The following PTPRR variants were observed in gnomAD, a reference collection of about 807,000 sequenced individuals.
PTPRR encodes receptor-type tyrosine-protein phosphatase R.
Under a neutral mutation model 77.2 loss-of-function variants are expected in PTPRR, and 38 were observed. The observed-to-expected ratio is 0.49, with a 90% CI of 0.38 to 0.65. The LOEUF is 0.65. Ranked by LOEUF, PTPRR falls within the 30% of genes least tolerant of loss-of-function variation. The pLI is 0.00. For synonymous variants in PTPRR, 299 were observed against 283.1 expected (o/e 1.06, Z -0.57); for missense variants, 744 against 799.2 (o/e 0.93, Z 0.83).
At chr12:70,672,146 C>T in intron 10 of PTPRR, 2 of 1,456,664 alleles carry the variant, frequency 1.4e-6, no homozygotes, top group Non-Finnish European at 1.9e-6. Flanking sequence ...AGAGGCCATC[C>T]TCTCAGTGGC....
chr12:70,743,210 T>C (rs1310535282), intron 6 of PTPRR, among the ~76,000 whole-genome samples: 1 of 151,874 alleles, frequency 6.6e-6, no homozygotes, highest in Admixed American at 6.6e-5. Flanking sequence ...AAATGATATA[T>C]ATGAGGCCAA....
chr12:70,759,998 T>C (rs1592738636), intron 4 of PTPRR, among the ~76,000 whole-genome samples: 1 of 152,094 alleles, frequency 6.6e-6, no homozygotes, highest in African/African-American at 2.4e-5. Flanking sequence ...ATTGGGTATG[T>C]TTGGAAACAG....
chr12:70,883,719 C>A (rs1451465527), intron 2 of PTPRR, among the ~76,000 whole-genome samples: 1 of 151,960 alleles, frequency 6.6e-6, no homozygotes, highest in African/African-American at 2.4e-5. Flanking sequence ...ATGTCACAGC[C>A]AGATCTGGGG....
At chr12:70,736,707 A>G (rs1382120005) in intron 6 of PTPRR, among the ~76,000 whole-genome samples, 2 of 152,154 alleles carry the variant, frequency 1.3e-5, no homozygotes, top group Admixed American at 6.5e-5. Context: ...TTAAACTGGA[A>G]TTTACTTCTA....
At chr12:70,877,981 G>A (rs4420367) in intron 2 of PTPRR, among the ~76,000 whole-genome samples, 1 of 151,660 alleles carries the variant, frequency 6.6e-6, no homozygotes, top group Non-Finnish European at 1.5e-5. Flanking sequence ...ACAAACCTGA[G>A]AAAAACAAGC....
chr12:70,912,162 CCTAA>C (rs1270016969), intron 1 of PTPRR, among the ~76,000 whole-genome samples: 3 of 152,176 alleles, frequency 2.0e-5, no homozygotes, highest in Non-Finnish European at 2.9e-5. Context: ...GGTCTTTCAA[CCTAA>C]CTAACTCACT....
intron 13 of PTPRR, chr12:70,639,490 C>T: frequency 7.6e-7 from 1 of 1,323,298 alleles, no homozygotes; most frequent in Non-Finnish European, 9.7e-7. Flanking sequence ...CAGTTCCCAG[C>T]ACACACTAGG....
rs956234142 is a variant in PTPRR, at chr12:70,920,552, A to G, written c.-162T>C. On this transcript the variant is annotated 5_prime_UTR_variant, in exon 1 of 14. Transcript: ENST00000283228. ...GTCTGTGGCGCCGACAGAAACCAGC[A>G]CCAGCTTCAACCTCCCTAAGAGAGG... is the stretch of plus-strand genomic sequence containing the variant. 6.3e-6 allele frequency: 4 copies of G among 630,668 alleles called. No individual in the cohort carries two copies. The highest frequency in any genetic ancestry group is 8.5e-6 in the Non-Finnish European group (3 of 352,320). The allele number at this position is 630,668 out of a possible 1,614,324, so 39.1% of individuals were successfully genotyped here.
At chr12:70,688,140 T>C (rs1887934978) in intron 8 of PTPRR, among the ~76,000 whole-genome samples, 1 of 152,180 alleles carries the variant, frequency 6.6e-6, no homozygotes, top group African/African-American at 2.4e-5. Context: ...TTTAAGAGTG[T>C]CTTCCAGGGC....
At chr12:70,802,665 G>T (rs186088120) in intron 2 of PTPRR, among the ~76,000 whole-genome samples, 3 of 151,990 alleles carry the variant, frequency 2.0e-5, no homozygotes, top group African/African-American at 4.8e-5. Flanking sequence ...TCCCATCTGG[G>T]GTCATGAAGC....
intron 6 of PTPRR, among the ~76,000 whole-genome samples, chr12:70,703,430 TTTC>T (rs1257646613): frequency 6.6e-6 from 1 of 152,134 alleles, no homozygotes; most frequent in Admixed American, 6.6e-5. Context: ...CACTCCACTT[TTTC>T]TTATTTGGTT....
chr12:70,886,329 T>C (rs1893239194), intron 2 of PTPRR, among the ~76,000 whole-genome samples: 1 of 152,226 alleles, frequency 6.6e-6, no homozygotes, highest in Admixed American at 6.5e-5. Context: ...AAGAAGGTGA[T>C]TATATAAGAA....
At chr12:70,884,871 C>CA (rs529547383) in intron 2 of PTPRR, among the ~76,000 whole-genome samples, 8,325 of 53,808 alleles carry the variant, frequency 0.15, 973 homozygotes, top group Middle Eastern at 0.22. Flanking sequence ...AACTCTGTCT[C>CA]AAAAAAAAAA....
chr12:70,747,147 TG>T (rs1030423935), intron 5 of PTPRR, among the ~76,000 whole-genome samples: 17 of 152,200 alleles, frequency 1.1e-4, no homozygotes, highest in Non-Finnish European at 8.8e-5. Flanking sequence ...CTTTATCATG[TG>T]CATAGTGTCT....
intron 6 of PTPRR, among the ~76,000 whole-genome samples, chr12:70,729,835 GA>G (rs949216382): frequency 4.1e-3 from 596 of 146,424 alleles, no homozygotes; most frequent in Non-Finnish European, 6.6e-3. Context: ...AATGATTTAA[GA>G]AAAAAAAAAC....
chr12:70,653,449 G>A (rs568193615), intron 13 of PTPRR, among the ~76,000 whole-genome samples: 1 of 152,288 alleles, frequency 6.6e-6, no homozygotes, highest in South Asian at 2.1e-4. Context: ...TACATGTGGG[G>A]TGTGGTAAGA....
rs1009731912 is a variant in PTPRR, at chr12:70,865,820, G to T, written c.357+26859C>A. On this transcript the variant is annotated intron_variant, in intron 2 of 13. Transcript: ENST00000283228. ...AGTAGAACATACCAGATATAATATG[G>T]CAAGATCTAAGGTGATTGAGAGAGC... Among the ~76,000 whole-genome samples the T allele has an allele frequency of 2.6e-5, 4 of 152,176 alleles. No homozygotes were observed. The South Asian group carries it at 8.3e-4, about 32-fold the overall frequency.
rs575602200 is a variant in PTPRR, at chr12:70,783,863, CGGGGGGG to C, written c.358-19092_358-19086del. On this transcript the variant is annotated intron_variant, in intron 2 of 13. Coordinates refer to ENST00000283228, the MANE Select transcript of PTPRR (RefSeq NM_002849.4). ...AGGGTCTAAGGCTGTGTGGGGGGGA[CGGGGGGG>C]GGGGGCGGGGGGCGGGGGTTGGCAC... Among the ~76,000 whole-genome samples the C allele has an allele frequency of 1.4e-4, 8 of 56,640 alleles. 1 individual carries two copies. The highest frequency in any genetic ancestry group is 6.8e-4 in the African/African-American group (6 of 8,776). 37.2% of individuals were successfully genotyped at this position (56,640 alleles called of 152,430 possible). A position where few individuals can be genotyped will look rare whatever the true frequency, so the allele number is the denominator to read the frequency against.
At chr12:70,854,407 T>C (rs1387145857) in intron 2 of PTPRR, among the ~76,000 whole-genome samples, 2 of 152,228 alleles carry the variant, frequency 1.3e-5, no homozygotes, top group South Asian at 2.1e-4. Context: ...CTCTATGCCA[T>C]GTGCCCTTTT....
Sources: gnomAD v4.1 joint callset for allele counts (sites outside exome capture counted in the v4.1 genomes callset) on GRCh38, gnomAD v4.1.1 for gene constraint, MANE v1.5 for transcripts, NCBI Gene and HGNC (gene_info 2026-07-23, HGNC 2026-07-21) for gene names.